The following EEF1AKMT2 variants were observed in gnomAD, a reference collection of about 807,000 sequenced individuals.
The protein encoded by EEF1AKMT2 is EEF1A lysine methyltransferase 2.
A neutral mutation model predicts 35.8 loss-of-function variants in EEF1AKMT2; 32 were observed. The ratio of observed to expected loss-of-function variants is 0.89; its 90% CI spans 0.67 to 1.20. The LOEUF (loss-of-function observed/expected upper bound fraction) is 1.20, where lower values mean the gene tolerates loss of function less well. Ranked by LOEUF, EEF1AKMT2 falls within the 50% of genes most tolerant of loss-of-function variation. The pLI, the probability that EEF1AKMT2 is intolerant of heterozygous loss-of-function variation, is 0.00. For missense variants in EEF1AKMT2, 330 were observed against 347.5 expected, an observed-to-expected ratio of 0.95 and a Z score of 0.40; for synonymous variants, 121 against 133.7, an observed-to-expected ratio of 0.91 and a Z score of 0.65.
rs754443902 is a variant in EEF1AKMT2, at chr10:124,769,218, C to CACAACAAAAAAAA, written c.400-3611_400-3610insTTTTTTTTGTTGT. On this transcript the variant is annotated intron_variant, in intron 4 of 6. Coordinates refer to ENST00000368836, the MANE Select transcript of EEF1AKMT2 (RefSeq NM_212554.4). ...GGGCTACAGGGCAAGACACTGTCTCCAAAAAAAAAAAAAAAATATATATAT... is the reference window on the plus strand; with the variant it reads ...GGGCTACAGGGCAAGACACTGTCTCCACAACAAAAAAAAAAAAAAAAAAAAAAAATATATATAT... 9.6e-5 allele frequency among the ~76,000 whole-genome samples: 3 copies of CACAACAAAAAAAA among 31,296 alleles called. 1 individual carries two copies. Among genetic ancestry groups the CACAACAAAAAAAA allele is most frequent in the South Asian group, 3.0e-3 (2 of 666 alleles). The allele number at this position is 31,296 out of a possible 152,430, so 20.5% of individuals were successfully genotyped here.
intron 3 of EEF1AKMT2, among the ~76,000 whole-genome samples, chr10:124,781,436 G>A (rs911071559): frequency 2.0e-5 from 3 of 151,546 alleles, no homozygotes; most frequent in Non-Finnish European, 2.9e-5. Flanking sequence ...AAAAGTAGCC[G>A]GGTGTGGTGG....
chr10:124,775,893 G>A (rs1351920970), intron 3 of EEF1AKMT2, among the ~76,000 whole-genome samples: 4 of 151,308 alleles, frequency 2.6e-5, no homozygotes. Flanking sequence ...CCCAGGATGA[G>A]TCTATTAACT....
Position 124,790,145 on chromosome 10 carries a change from G to A in EEF1AKMT2, c.176+128C>T, listed in dbSNP as rs554051621. 7.3e-4 allele frequency: 470 copies of A among 647,704 alleles called. 3 individuals are homozygous for A. In the African/African-American group the frequency reaches 8.0e-3, roughly 11 times the overall value. The allele number at this position is 647,704 out of a possible 1,614,324, so 40.1% of individuals were successfully genotyped here. A position where few individuals can be genotyped will look rare whatever the true frequency, so the allele number is the denominator to read the frequency against. ...CCTGACCTCGTGATCTGCCTGCCTC[G>A]GCCTCCCAAAGTGCTGGGATTACAG... On this transcript the variant is annotated intron_variant, in intron 2 of 6. Coordinates refer to ENST00000368836, the MANE Select transcript of EEF1AKMT2 (RefSeq NM_212554.4).
chr10:124,774,825 T>G, intron 3 of EEF1AKMT2, 43 bp from the exon 4 acceptor site: 1 of 959,820 alleles, frequency 1.0e-6, no homozygotes, highest in Non-Finnish European at 1.5e-6. Flanking sequence ...AATTTTAATA[T>G]AATGTTTTGT....
At chr10:124,781,931 G>C (rs972513729) in intron 3 of EEF1AKMT2, among the ~76,000 whole-genome samples, 1 of 152,040 alleles carries the variant, frequency 6.6e-6, no homozygotes, top group Non-Finnish European at 1.5e-5. Flanking sequence ...AAAGGTGAAA[G>C]ATCAAGAACC....
At chr10:124,776,970 C>T (rs557706561) in intron 3 of EEF1AKMT2, among the ~76,000 whole-genome samples, 2 of 151,884 alleles carry the variant, frequency 1.3e-5, no homozygotes, top group Admixed American at 6.6e-5. Context: ...AAATTAAAAA[C>T]AGGAAAGAAT....
rs11245355 is a variant in EEF1AKMT2 at position 124,763,190 on chromosome 10, T to C, written c.617-632A>G. Among the ~76,000 whole-genome samples, 557 of 152,340 alleles carry C rather than the reference T, an allele frequency of 3.7e-3. 14 individuals carry two copies. In the East Asian group the frequency reaches 0.091, roughly 25 times the overall value. ...TCTGAAGTAAGATGGGTGGTTATTGTTTTCATTCATTCACTGTCATAAAGT... is the reference window on the plus strand; with the variant it reads ...TCTGAAGTAAGATGGGTGGTTATTGCTTTCATTCATTCACTGTCATAAAGT... On this transcript the variant is annotated intron_variant, in intron 5 of 6. Transcript: ENST00000368836.
At chr10:124,773,747 C>A (rs904037578) in intron 4 of EEF1AKMT2, among the ~76,000 whole-genome samples, 3 of 152,084 alleles carry the variant, frequency 2.0e-5, no homozygotes, top group Admixed American at 6.6e-5. Context: ...TCATGAATCA[C>A]CATAACAGAT....
At chr10:124,763,754 G>A (rs1478322866) in intron 5 of EEF1AKMT2, among the ~76,000 whole-genome samples, 2 of 152,058 alleles carry the variant, frequency 1.3e-5, no homozygotes, top group African/African-American at 2.4e-5. Flanking sequence ...GAGTAAAAAA[G>A]AACACCTGTA....
In EEF1AKMT2 at chr10:124,763,980, C is replaced by A. The variant is rs1189048736; in HGVS notation, c.616+1412G>T. On this transcript the variant is annotated intron_variant, in intron 5 of 6. Coordinates refer to ENST00000368836, the MANE Select transcript of EEF1AKMT2 (RefSeq NM_212554.4). ...TTTTCCAGAGGCAATAGTAATGAAG[C>A]CATAAGCTCATATTTCAAGCCTCAA... Among the ~76,000 whole-genome samples the A allele has an allele frequency of 2.0e-5, 3 of 152,090 alleles. No individual in the cohort carries two copies. The South Asian group carries it at 6.2e-4, about 32-fold the overall frequency.
At chr10:124,766,513 T>C (rs1481072863) in intron 4 of EEF1AKMT2, among the ~76,000 whole-genome samples, 1 of 152,222 alleles carries the variant, frequency 6.6e-6, no homozygotes, top group Admixed American at 6.5e-5. Context: ...TTATAAAATA[T>C]TCACAATTTA....
At chr10:124,782,439 G>A (rs61872087) in intron 3 of EEF1AKMT2, among the ~76,000 whole-genome samples, 16 of 151,752 alleles carry the variant, frequency 1.1e-4, no homozygotes, top group South Asian at 2.1e-4. Flanking sequence ...AAAATTAGCC[G>A]GGCGTGGTAG....
At chr10:124,771,574 AAAC>A (rs1950436621) in intron 4 of EEF1AKMT2, among the ~76,000 whole-genome samples, 1 of 152,082 alleles carries the variant, frequency 6.6e-6, no homozygotes, top group Non-Finnish European at 1.5e-5. Context: ...ACAGGCATAA[AAAC>A]AAGATTAATC....
chr10:124,758,558 C>T lies in EEF1AKMT2; in HGVS notation c.*1945G>A, dbSNP rs1333002442. On this transcript the variant is annotated 3_prime_UTR_variant, in exon 7 of 7. Coordinates refer to ENST00000368836, the MANE Select transcript of EEF1AKMT2 (RefSeq NM_212554.4). ...CCTTTGCAAATGGCACTAACATGCC[C>T]CAAATAGTGACTCGAAAAGCTTTTC... 2 of 151,440 alleles carry T rather than the reference C, an allele frequency of 1.3e-5. No homozygotes were observed. Among genetic ancestry groups the T allele is most frequent in the East Asian group, 3.9e-4 (2 of 5,182 alleles). 9.4% of individuals were successfully genotyped at this position (151,440 alleles called of 1,614,324 possible).
intron 3 of EEF1AKMT2, among the ~76,000 whole-genome samples, chr10:124,779,747 C>CAAAAA (rs34475748): frequency 0.38 from 10,653 of 28,188 alleles, 3,414 homozygotes; most frequent in Non-Finnish European, 0.51. Context: ...GACTCCATCT[C>CAAAAA]AAAAAAAAAA....
intron 5 of EEF1AKMT2, 74 bp from the exon 6 acceptor site, chr10:124,762,632 T>C: frequency 2.6e-6 from 2 of 773,002 alleles, no homozygotes; most frequent in Non-Finnish European, 3.3e-6. Flanking sequence ...AATTGGTCTA[T>C]CATACTATTT....
Position 124,760,459 on chromosome 10 carries a change from C to A in EEF1AKMT2, c.*44G>T. 6.2e-7 allele frequency: 1 copy of A among 1,613,842 alleles called. No homozygotes were observed. The highest frequency in any genetic ancestry group is 8.5e-7 in the Non-Finnish European group (1 of 1,179,776). Reference sequence around the variant, plus strand: ...GCTACACTGTTTCCAGATCTGCCTCCAAAGCTGAACTTGGGTGTTGGTAGC... The same window carrying A: ...GCTACACTGTTTCCAGATCTGCCTCAAAAGCTGAACTTGGGTGTTGGTAGC... On this transcript the variant is annotated 3_prime_UTR_variant, in exon 7 of 7. Coordinates refer to ENST00000368836, the MANE Select transcript of EEF1AKMT2 (RefSeq NM_212554.4).
chr10:124,769,718 G>A (rs763836706), intron 4 of EEF1AKMT2, among the ~76,000 whole-genome samples: 14 of 152,148 alleles, frequency 9.2e-5, no homozygotes, highest in Non-Finnish European at 2.1e-4. Context: ...AGGCCAAGGT[G>A]GGTGGATCAC....
chr10:124,763,270 A>G (rs1415117764), intron 5 of EEF1AKMT2, among the ~76,000 whole-genome samples: 1 of 152,218 alleles, frequency 6.6e-6, no homozygotes, highest in East Asian at 1.9e-4. Flanking sequence ...GGTAACCCTC[A>G]CTAAAAAAAT....
Sources: gnomAD v4.1 joint callset for allele counts (sites outside exome capture counted in the v4.1 genomes callset) on GRCh38, gnomAD v4.1.1 for gene constraint, MANE v1.5 for transcripts, NCBI Gene and HGNC (gene_info 2026-07-23, HGNC 2026-07-21) for gene names.